The following NTF3 variants were observed in gnomAD, a reference collection of about 807,000 sequenced individuals.
The protein encoded by NTF3 is neurotrophin-3.
A neutral mutation model predicts 26.3 loss-of-function variants in NTF3; 8 were observed. That is an observed-to-expected ratio of 0.30 (90% CI 0.18 to 0.55). The LOEUF (loss-of-function observed/expected upper bound fraction) is 0.55, where lower values mean the gene tolerates loss of function less well. Among genes scored for constraint, NTF3 ranks in the 20% least tolerant of loss-of-function variants. The pLI is 0.93. For synonymous variants in NTF3, 154 were observed against 145.5 expected (o/e 1.06, Z -0.42); for missense variants, 276 against 352.9 (o/e 0.78, Z 1.75).
chr12:5,450,976 G>C (rs1940365202), intron 1 of NTF3, among the ~76,000 whole-genome samples: 1 of 152,176 alleles, frequency 6.6e-6, no homozygotes, highest in African/African-American at 2.4e-5. Context: ...AGGAAGTGGT[G>C]GCACCAAGCT....
intron 1 of NTF3, among the ~76,000 whole-genome samples, chr12:5,452,777 A>G (rs1195093120): frequency 2.0e-5 from 3 of 152,206 alleles, no homozygotes; most frequent in Non-Finnish European, 4.4e-5. Flanking sequence ...ACTCAGGATT[A>G]TGAGAAAGAC....
intron 1 of NTF3, among the ~76,000 whole-genome samples, chr12:5,467,671 C>G (rs1940610312): frequency 2.0e-5 from 3 of 152,174 alleles, no homozygotes; most frequent in Admixed American, 2.0e-4. Flanking sequence ...TTGGGCAGCT[C>G]CCCTGCACTT....
chr12:5,465,389 G>A (rs916448184), intron 1 of NTF3, among the ~76,000 whole-genome samples: 4 of 152,220 alleles, frequency 2.6e-5, no homozygotes, highest in Non-Finnish European at 4.4e-5. Flanking sequence ...GTAACACCAC[G>A]ACAACGTGTG....
chr12:5,493,903 G>T (rs1014780635), intron 1 of NTF3, among the ~76,000 whole-genome samples: 1 of 152,140 alleles, frequency 6.6e-6, no homozygotes, highest in African/African-American at 2.4e-5. Context: ...GAAGCGGTAG[G>T]ACATCGTCCA....
chr12:5,465,353 G>A (rs958242943), intron 1 of NTF3, among the ~76,000 whole-genome samples: 1 of 152,226 alleles, frequency 6.6e-6, no homozygotes, highest in African/African-American at 2.4e-5. Flanking sequence ...TGAGAATGAG[G>A]TTTTTTATAT....
chr12:5,490,904 G>T (rs141206443), intron 1 of NTF3, among the ~76,000 whole-genome samples: 1 of 152,208 alleles, frequency 6.6e-6, no homozygotes, highest in African/African-American at 2.4e-5. Context: ...TCCCTCGCCC[G>T]TGTGCGTCAA....
Position 5,433,823 on chromosome 12 carries a change from A to C in NTF3, c.18+1481A>C, listed in dbSNP as rs1015755087. On this transcript the variant is annotated intron_variant, in intron 1 of 1. Transcript: ENST00000423158. This position sits in a 1 kb window ranked among gnomAD's most constrained non-coding sequence, Gnocchi z 4.6. ...AGACTGTGCGCCTGTGGACTTGTTT[A>C]TGTGTGTGAAGAGGCGGGGGCGAGG... Among the ~76,000 whole-genome samples the C allele has an allele frequency of 6.8e-6, 1 of 147,634 alleles. No individual in the cohort carries two copies. The highest frequency in any genetic ancestry group is 1.5e-5 in the Non-Finnish European group (1 of 66,978).
upstream of NTF3, among the ~76,000 whole-genome samples, chr12:5,431,188 G>A (rs1440109596): frequency 6.6e-6 from 1 of 152,080 alleles, no homozygotes; most frequent in Non-Finnish European, 1.5e-5. Flanking sequence ...GGGGCGCCAC[G>A]AACAGGTTTG....
At chr12:5,467,154 A>C (rs1940600680) in intron 1 of NTF3, among the ~76,000 whole-genome samples, 1 of 141,496 alleles carries the variant, frequency 7.1e-6, no homozygotes, top group African/African-American at 2.6e-5. Context: ...GCTTGAACCC[A>C]GGAAGTGAAG....
chr12:5,466,269 G>A (rs1395468194), intron 1 of NTF3, among the ~76,000 whole-genome samples: 1 of 152,190 alleles, frequency 6.6e-6, no homozygotes, highest in Non-Finnish European at 1.5e-5. Flanking sequence ...ACCCAAGTCT[G>A]TCCGCTGCAT....
At chr12:5,443,515 G>A (rs1591592297) in intron 1 of NTF3, among the ~76,000 whole-genome samples, 1 of 152,298 alleles carries the variant, frequency 6.6e-6, no homozygotes, top group East Asian at 1.9e-4. Flanking sequence ...CTCCTCTCCA[G>A]AGCTTTCCTG....
At chr12:5,446,171 C>A (rs1005556764) in intron 1 of NTF3, among the ~76,000 whole-genome samples, 2 of 152,144 alleles carry the variant, frequency 1.3e-5, no homozygotes, top group Admixed American at 1.3e-4. Flanking sequence ...GTGTCATCTC[C>A]TTAGTTCCCC....
intron 1 of NTF3, among the ~76,000 whole-genome samples, chr12:5,489,490 C>T (rs897620051): frequency 7.9e-5 from 12 of 152,194 alleles, no homozygotes; most frequent in African/African-American, 2.7e-4. Flanking sequence ...CCCCTCTTTG[C>T]CTTGGTTTCC....
chr12:5,454,781 A>T (rs1402639102), intron 1 of NTF3, among the ~76,000 whole-genome samples: 1 of 152,224 alleles, frequency 6.6e-6, no homozygotes, highest in Non-Finnish European at 1.5e-5. Context: ...GACAGCGGCG[A>T]GAAAAAGGGG....
chr12:5,492,709 A>G (rs1257115831), intron 1 of NTF3, among the ~76,000 whole-genome samples: 3 of 152,190 alleles, frequency 2.0e-5, no homozygotes, highest in Admixed American at 2.0e-4. Flanking sequence ...CAGCAAGAGG[A>G]GGCAGTATGA....
chr12:5,463,521 C>T (rs2121194811), intron 1 of NTF3, among the ~76,000 whole-genome samples: 1 of 152,054 alleles, frequency 6.6e-6, no homozygotes, highest in Middle Eastern at 3.4e-3. Flanking sequence ...TATAGGTGGA[C>T]AGGCAGAGAT....
intron 1 of NTF3, among the ~76,000 whole-genome samples, chr12:5,452,384 C>G (rs1011980580): frequency 1.3e-5 from 2 of 152,152 alleles, no homozygotes; most frequent in African/African-American, 4.8e-5. Flanking sequence ...CGTGAGCCAC[C>G]GCGCCTGGCC....
Position 5,495,229 on chromosome 12 carries a change from G to A in NTF3, c.*241G>A. 4.1e-6 allele frequency: 2 copies of A among 491,604 alleles called. No homozygotes were observed. The highest frequency in any genetic ancestry group is 7.4e-6 in the Non-Finnish European group (2 of 269,628). The allele number at this position is 491,604 out of a possible 1,614,324, so 30.5% of individuals were successfully genotyped here. ...TCTCAGGAGTCACTCTGTAAAATCTGTGTACACCAGTATTTTGCATTCAGT... is the reference window on the plus strand; with the variant it reads ...TCTCAGGAGTCACTCTGTAAAATCTATGTACACCAGTATTTTGCATTCAGT... On this transcript the variant is annotated 3_prime_UTR_variant, in exon 2 of 2. Coordinates refer to ENST00000423158, the MANE Select transcript of NTF3 (RefSeq NM_001102654.2).
At chr12:5,449,814 G>T (rs142773015) in intron 1 of NTF3, among the ~76,000 whole-genome samples, 2 of 152,104 alleles carry the variant, frequency 1.3e-5, no homozygotes, top group African/African-American at 4.8e-5. Context: ...GAACATTCTC[G>T]CACATGCATT....
Sources: allele counts gnomAD v4.1 joint callset (sites outside exome capture counted in the v4.1 genomes callset), GRCh38; gene constraint gnomAD v4.1.1; non-coding constraint Gnocchi (gnomAD v3.1); transcripts MANE v1.5; gene names NCBI Gene and HGNC (gene_info 2026-07-23, HGNC 2026-07-21).